The following SESTD1 variants were observed in gnomAD, a reference collection of about 807,000 sequenced individuals.
SESTD1 encodes SEC14 domain and spectrin repeat-containing protein 1.
SESTD1 carries 43 observed loss-of-function variants against 101.7 expected under a neutral mutation model. The observed-to-expected ratio is 0.42, with a 90% CI of 0.33 to 0.55. The LOEUF is 0.55. Among genes scored for constraint, SESTD1 ranks in the 20% least tolerant of loss-of-function variants. The pLI, the probability that SESTD1 is intolerant of heterozygous loss-of-function variation, is 0.07. For missense variants in SESTD1, 647 were observed against 815.1 expected (o/e 0.79, Z 2.51); for synonymous variants, 283 against 286.8 (o/e 0.99, Z 0.13).
At chr2:179,194,206 T>G (rs546174343) in intron 1 of SESTD1, among the ~76,000 whole-genome samples, 1 of 152,116 alleles carries the variant, frequency 6.6e-6, no homozygotes, top group Non-Finnish European at 1.5e-5. Context: ...CCCCTCAACA[T>G]CCCAACCTTT....
intron 10 of SESTD1, among the ~76,000 whole-genome samples, chr2:179,128,470 C>T (rs1318603427): frequency 6.6e-6 from 1 of 152,106 alleles, no homozygotes; most frequent in Non-Finnish European, 1.5e-5. Flanking sequence ...GTGGCTCATG[C>T]CTGTAATCCC....
chr2:179,170,708 TAG>T (rs1223424115), intron 5 of SESTD1, among the ~76,000 whole-genome samples: 2 of 152,120 alleles, frequency 1.3e-5, no homozygotes, highest in African/African-American at 4.8e-5. Context: ...AAGGCATAAT[TAG>T]AGAGTTGAAA....
intron 1 of SESTD1, among the ~76,000 whole-genome samples, chr2:179,260,894 C>A (rs1357761138): frequency 1.3e-5 from 2 of 152,060 alleles, no homozygotes; most frequent in Non-Finnish European, 1.5e-5. Context: ...TAAATACACA[C>A]ATAAATGCAA....
intron 1 of SESTD1, among the ~76,000 whole-genome samples, chr2:179,198,192 A>C (rs890150767): frequency 6.6e-6 from 1 of 152,206 alleles, no homozygotes; most frequent in African/African-American, 2.4e-5. Flanking sequence ...TTAAACCAAC[A>C]AAGATCAAAA....
chr2:179,162,513 T>C (rs1240589428), intron 5 of SESTD1: 2 of 152,168 alleles, frequency 1.3e-5, no homozygotes, highest in African/African-American at 4.8e-5. Context: ...AATATCCTCC[T>C]ATTAAAAAAT....
chr2:179,189,192 C>T (rs778273409), intron 2 of SESTD1, among the ~76,000 whole-genome samples: 3 of 152,124 alleles, frequency 2.0e-5, no homozygotes, highest in Non-Finnish European at 2.9e-5. Flanking sequence ...TACTAGCAAA[C>T]GGAATCTCAC....
chr2:179,122,807 A>T (rs1453673372), intron 12 of SESTD1, among the ~76,000 whole-genome samples: 4 of 152,264 alleles, frequency 2.6e-5, no homozygotes, highest in Admixed American at 6.5e-5. Context: ...GAGGCAGGAG[A>T]ATCACTTGAA....
At chr2:179,234,499 C>T (rs1206248009) in intron 1 of SESTD1, among the ~76,000 whole-genome samples, 1 of 152,036 alleles carries the variant, frequency 6.6e-6, no homozygotes, top group East Asian at 1.9e-4. Context: ...AGGCTCAGGC[C>T]GGACGCAGTG....
intron 4 of SESTD1, among the ~76,000 whole-genome samples, chr2:179,175,878 G>C (rs1330422915): frequency 6.6e-6 from 1 of 152,200 alleles, no homozygotes; most frequent in East Asian, 1.9e-4. Flanking sequence ...TGTAATCGTA[G>C]ATGTTTATTA....
intron 10 of SESTD1, 186 bp downstream of exon 10, chr2:179,132,118 A>G: frequency 3.4e-6 from 2 of 589,538 alleles, no homozygotes; most frequent in Non-Finnish European, 5.2e-6. Flanking sequence ...GACAAAACCA[A>G]AAACAACCTT....
At chr2:179,156,208 TCA>T (rs2045628747) in intron 5 of SESTD1, among the ~76,000 whole-genome samples, 1 of 152,142 alleles carries the variant, frequency 6.6e-6, no homozygotes, top group African/African-American at 2.4e-5. Context: ...CATATATACA[TCA>T]CAGTTTCTTT....
intron 9 of SESTD1, among the ~76,000 whole-genome samples, chr2:179,140,084 C>T (rs943670593): frequency 6.6e-6 from 1 of 152,160 alleles, no homozygotes; most frequent in African/African-American, 2.4e-5. Context: ...TTGTTGGGAA[C>T]TCGATAGTAT....
At chr2:179,163,466 C>A (rs1392700531) in intron 5 of SESTD1, among the ~76,000 whole-genome samples, 1 of 151,482 alleles carries the variant, frequency 6.6e-6, no homozygotes, top group Non-Finnish European at 1.5e-5. Flanking sequence ...TTTTACTAAG[C>A]AGAAATCTAA....
intron 1 of SESTD1, among the ~76,000 whole-genome samples, chr2:179,242,217 A>G (rs1341431581): frequency 6.6e-6 from 1 of 152,186 alleles, no homozygotes; most frequent in African/African-American, 2.4e-5. Context: ...CCCATTTACA[A>G]TAGCCACACA....
chr2:179,229,604 C>T (rs2046947411), intron 1 of SESTD1, among the ~76,000 whole-genome samples: 1 of 151,242 alleles, frequency 6.6e-6, no homozygotes, highest in Non-Finnish European at 1.5e-5. Flanking sequence ...TCTGGAGAGC[C>T]CTGAGTAATA....
At chr2:179,120,201 C>G (rs1252263601) in intron 13 of SESTD1, among the ~76,000 whole-genome samples, 1 of 151,624 alleles carries the variant, frequency 6.6e-6, no homozygotes. Flanking sequence ...TGCACTCCAG[C>G]CTAGTGACAG....
At chr2:179,125,306 A>G (rs937434725) in intron 10 of SESTD1, among the ~76,000 whole-genome samples, 2 of 152,092 alleles carry the variant, frequency 1.3e-5, no homozygotes, top group African/African-American at 4.8e-5. Flanking sequence ...TGACCTCTCT[A>G]CCATCCAGCA....
intron 5 of SESTD1, among the ~76,000 whole-genome samples, chr2:179,165,444 A>T (rs2045818838): frequency 6.6e-6 from 1 of 152,196 alleles, no homozygotes; most frequent in Non-Finnish European, 1.5e-5. Flanking sequence ...CAGGTGCCTC[A>T]TAAAAGGGAT....
At chr2:179,123,399 A>T (rs996001789) in intron 12 of SESTD1, among the ~76,000 whole-genome samples, 3 of 147,520 alleles carry the variant, frequency 2.0e-5, no homozygotes, top group Non-Finnish European at 4.6e-5. Flanking sequence ...AACATTTCAC[A>T]GCTAATTACA....
Sources: gnomAD v4.1 joint callset for allele counts (sites outside exome capture counted in the v4.1 genomes callset) on GRCh38, gnomAD v4.1.1 for gene constraint, MANE v1.5 for transcripts, NCBI Gene and HGNC (gene_info 2026-07-23, HGNC 2026-07-21) for gene names.